Variants in SPRR2D observed in about 807,000 individuals in gnomAD.
The protein encoded by SPRR2D is small proline-rich protein 2D.
For missense variants in SPRR2D, 81 were observed against 87.2 expected (o/e 0.93, Z 0.28); for synonymous variants, 43 against 32.8 (o/e 1.31, Z -1.06).
In SPRR2D at chr1:153,040,143, T is replaced by C. The variant is rs180935179; in HGVS notation, c.204A>G (p.Pro68=). ...CCTGAAGCTGTTACTTGCTCTTGGGTGGACACTTTGGCTGGCAGGGTGGGG... is the reference window on the plus strand; with the variant it reads ...CCTGAAGCTGTTACTTGCTCTTGGGCGGACACTTTGGCTGGCAGGGTGGGG... The part of the protein sequence containing the change: ...TPSPPCQPKC[P]PKSK The change falls in exon 2 of 2, where the codon CCA becomes CCG. Residue 68 remains proline, a synonymous_variant. Coordinates refer to ENST00000360379, the MANE Select transcript of SPRR2D (RefSeq NM_006945.5). 159 of 1,612,828 alleles carry C rather than the reference T, an allele frequency of 9.9e-5. 1 individual carries two copies. Among genetic ancestry groups the C allele is most frequent in the Non-Finnish European group, 8.5e-6 (10 of 1,179,846 alleles).
rs749847310 is a variant in SPRR2D at position 153,040,332 on chromosome 1, C to A, written c.15G>T (p.Gln5His). The change falls in exon 2 of 2, where the codon CAG becomes CAT. Residue 5 changes from glutamine to histidine, a missense_variant. Gln to His is a conservative substitution (Grantham distance 24). Transcript: ENST00000360379. MSYQQQQCKQPCQPP... is the reference protein window; with the variant it reads MSYQHQQCKQPCQPP... Reference sequence around the variant, plus strand: ...GCTGGCAGGGCTGCTTGCACTGCTGCTGTTGATAAGACATCCTGCTGGAGT... The same window carrying A: ...GCTGGCAGGGCTGCTTGCACTGCTGATGTTGATAAGACATCCTGCTGGAGT... The A allele has an allele frequency of 9.9e-6, 16 of 1,611,680 alleles. No homozygotes were observed. Among genetic ancestry groups the A allele is most frequent in the African/African-American group, 1.3e-5 (1 of 74,824 alleles).
intron 1 of SPRR2D, chr1:153,040,703 T>G: frequency 7.5e-6 from 3 of 400,382 alleles, no homozygotes; most frequent in South Asian, 2.5e-5. Flanking sequence ...CTTATCATTA[T>G]CTGTAGTAAA....
At chr1:153,040,559 GTT>G in intron 1 of SPRR2D, 194 bp from the exon 2 acceptor site, 1 of 982,362 alleles carries the variant, frequency 1.0e-6, no homozygotes, top group Non-Finnish European at 1.5e-6. Context: ...GAAATCTTGT[GTT>G]TTCTCATACA....
rs180935179 is a variant in SPRR2D, at chr1:153,040,143, T to G, written c.204A>C (p.Pro68=). The G allele has an allele frequency of 1.2e-6, 2 of 1,612,710 alleles. No individual in the cohort carries two copies. Among genetic ancestry groups the G allele is most frequent in the African/African-American group, 2.7e-5 (2 of 74,866 alleles). The change falls in exon 2 of 2, where the codon CCA becomes CCC. Residue 68 remains proline, a synonymous_variant. Transcript: ENST00000360379. ...CCTGAAGCTGTTACTTGCTCTTGGGTGGACACTTTGGCTGGCAGGGTGGGG... is the reference window on the plus strand; with the variant it reads ...CCTGAAGCTGTTACTTGCTCTTGGGGGGACACTTTGGCTGGCAGGGTGGGG... ...TPSPPCQPKC[P]PKSK
At position 153,039,784 on chromosome 1, in the gene SPRR2D, G is replaced by T. The variant is rs1250395195; in HGVS notation, c.*344C>A. ...GTGAAAGATAAATGACAATTGCAAAGGTGGTAGAAGCTCATGACCAGGTGA... is the reference window on the plus strand; with the variant it reads ...GTGAAAGATAAATGACAATTGCAAATGTGGTAGAAGCTCATGACCAGGTGA... On this transcript the variant is annotated 3_prime_UTR_variant, in exon 2 of 2. Coordinates refer to ENST00000360379, the MANE Select transcript of SPRR2D (RefSeq NM_006945.5). The T allele has an allele frequency of 6.8e-6, 3 of 438,890 alleles. No individual in the cohort carries two copies. The highest frequency in any genetic ancestry group is 2.0e-5 in the African/African-American group (1 of 49,956). The allele number at this position is 438,890 out of a possible 1,614,324, so 27.2% of individuals were successfully genotyped here.
intron 1 of SPRR2D, 56 bp downstream of exon 1, chr1:153,041,022 T>C: frequency 6.4e-6 from 1 of 155,262 alleles, no homozygotes. Context: ...TGTTTTCAGA[T>C]TAAATTCAAT....
Position 153,039,765 on chromosome 1 carries a change from G to T in SPRR2D, c.*363C>A, listed in dbSNP as rs1388277979. On this transcript the variant is annotated 3_prime_UTR_variant, in exon 2 of 2. Coordinates refer to ENST00000360379, the MANE Select transcript of SPRR2D (RefSeq NM_006945.5). ...TAGATACTTTATTCAGGGAGTGAAA[G>T]ATAAATGACAATTGCAAAGGTGGTA... 2.0e-5 allele frequency: 8 copies of T among 408,434 alleles called. No individual in the cohort carries two copies. The highest frequency in any genetic ancestry group is 7.5e-5 in the South Asian group (1 of 13,288). The allele number at this position is 408,434 out of a possible 1,614,324, so 25.3% of individuals were successfully genotyped here.
chr1:153,040,137 C>CT lies in SPRR2D; in HGVS notation c.209dup (p.Ser71GlufsTer15). 1 of 1,612,674 alleles carries CT rather than the reference C, an allele frequency of 6.2e-7. No homozygotes were observed. The highest frequency in any genetic ancestry group is 8.5e-7 in the Non-Finnish European group (1 of 1,179,782). On this transcript the variant is annotated frameshift_variant, in exon 2 of 2. Coordinates refer to ENST00000360379, the MANE Select transcript of SPRR2D (RefSeq NM_006945.5). LOFTEE classifies it high-confidence loss of function. ...ATGAATCCTGAAGCTGTTACTTGCT[C>CT]TTGGGTGGACACTTTGGCTGGCAGG...
At position 153,039,940 on chromosome 1, in the gene SPRR2D, G is replaced by A. The variant is rs917906432; in HGVS notation, c.*188C>T. The A allele has an allele frequency of 1.6e-5, 19 of 1,188,088 alleles. No homozygotes were observed. The highest frequency in any genetic ancestry group is 2.2e-5 in the Non-Finnish European group (19 of 858,634). 73.6% of individuals were successfully genotyped at this position (1,188,088 alleles called of 1,614,324 possible). ...TTTTCTTAGCTCCACCTGGACAGTGGCAGTATGGCAGCCTCAGAAAGGGAA... is the reference window on the plus strand; with the variant it reads ...TTTTCTTAGCTCCACCTGGACAGTGACAGTATGGCAGCCTCAGAAAGGGAA... On this transcript the variant is annotated 3_prime_UTR_variant, in exon 2 of 2. Coordinates refer to ENST00000360379, the MANE Select transcript of SPRR2D (RefSeq NM_006945.5).
At chr1:153,040,532 T>G in intron 1 of SPRR2D, 167 bp from the exon 2 acceptor site, 1 of 1,222,908 alleles carries the variant, frequency 8.2e-7, no homozygotes, top group Non-Finnish European at 1.1e-6. Context: ...TTTAGCAAAT[T>G]GCTTCATTGG....
In SPRR2D at chr1:153,040,220, G is replaced by A. The variant is rs773364108; in HGVS notation, c.127C>T (p.Gln43Ter). 48 of 1,612,684 alleles carry A rather than the reference G, an allele frequency of 3.0e-5. No homozygotes were observed. In the South Asian group the frequency reaches 5.2e-4, roughly 17 times the overall value. The change falls in exon 2 of 2, where the codon CAG (glutamine) becomes TAG (stop). Residue 43 changes from glutamine to a stop codon, truncating the protein, a stop_gained. Transcript: ENST00000360379. LOFTEE classifies it low-confidence loss of function (END_TRUNC). ...PEPCPSPKCP[Q>*]PCPPQQCQQK... The stretch of plus-strand genomic sequence containing the variant: ...TGGCACTGCTGAGGTGGGCAGGGCT[G>A]TGGACACTTTGGTGATGGGCAGGGC...
At position 153,040,023 on chromosome 1, in the gene SPRR2D, C is replaced by T. The variant is rs1458322700; in HGVS notation, c.*105G>A. 6.5e-7 allele frequency: 1 copy of T among 1,534,330 alleles called. No homozygotes were observed. The highest frequency in any genetic ancestry group is 2.3e-5 in the East Asian group (1 of 44,210). On this transcript the variant is annotated 3_prime_UTR_variant, in exon 2 of 2. Coordinates refer to ENST00000360379, the MANE Select transcript of SPRR2D (RefSeq NM_006945.5). ...CACAGGTTAAGGAGAAAGAAGCTCC[C>T]TGTGCATCCATGGAAGGCTTTGGTG...
At chr1:153,040,489 C>A in intron 1 of SPRR2D, 124 bp from the exon 2 acceptor site, 4 of 1,455,642 alleles carry the variant, frequency 2.7e-6, no homozygotes, top group Non-Finnish European at 3.6e-6. Flanking sequence ...CTCTTAACTG[C>A]CTTTTCAAGA....
chr1:153,040,372 G>A lies in SPRR2D; in HGVS notation c.-19-7C>T. 1.2e-6 allele frequency: 2 copies of A among 1,610,426 alleles called. No homozygotes were observed. Among genetic ancestry groups the A allele is most frequent in the Non-Finnish European group, 1.7e-6 (2 of 1,179,858 alleles). ...CCTGCTGGAGTCTCAGGATCTGAAA[G>A]AAATGATACAACAGTGTTTGTGGGA... On this transcript the variant is annotated splice_region_variant and splice_polypyrimidine_tract_variant and intron_variant, in intron 1 of 1. Coordinates refer to ENST00000360379, the MANE Select transcript of SPRR2D (RefSeq NM_006945.5).
In SPRR2D at chr1:153,040,250, G is replaced by A. The variant is rs186214884; in HGVS notation, c.97C>T (p.Pro33Ser). 2.0e-5 allele frequency: 32 copies of A among 1,612,596 alleles called. 1 individual carries two copies. The African/African-American group carries it at 3.5e-4, about 17-fold the overall frequency. Reference sequence around the variant, plus strand: ...CACTTTGGTGATGGGCAGGGCTCAGGGCACTTCGGGGGTGGACATGGCTCT... The same window carrying A: ...CACTTTGGTGATGGGCAGGGCTCAGAGCACTTCGGGGGTGGACATGGCTCT... ...CPEPCPPPKC[P>S]EPCPSPKCPQ... Residue 33 changes from proline (P) to serine (S), a missense_variant, in exon 2 of 2, where the codon CCT becomes TCT. Transcript: ENST00000360379.
rs1425507631 is a variant in SPRR2D at position 153,040,052 on chromosome 1, A to G, written c.*76T>C. ...GCATCCATGGAAGGCTTTGGTGAGA[A>G]GATGCAAGTGGAGCTGTGGAACGAG... On this transcript the variant is annotated 3_prime_UTR_variant, in exon 2 of 2. Coordinates refer to ENST00000360379, the MANE Select transcript of SPRR2D (RefSeq NM_006945.5). 2 of 1,561,426 alleles carry G rather than the reference A, an allele frequency of 1.3e-6. No homozygotes were observed. The highest frequency in any genetic ancestry group is 1.8e-5 in the Admixed American group (1 of 55,972).
In SPRR2D at chr1:153,040,136, T is replaced by C; in HGVS notation, c.211A>G (p.Ser71Gly). The C allele has an allele frequency of 6.2e-7, 1 of 1,612,690 alleles. No homozygotes were observed. The highest frequency in any genetic ancestry group is 8.5e-7 in the Non-Finnish European group (1 of 1,179,792). ...PPCQPKCPPK[S>G]K ...GATGAATCCTGAAGCTGTTACTTGCTCTTGGGTGGACACTTTGGCTGGCAG... is the reference window on the plus strand; with the variant it reads ...GATGAATCCTGAAGCTGTTACTTGCCCTTGGGTGGACACTTTGGCTGGCAG... The change falls in exon 2 of 2, where the codon AGC becomes GGC. Residue 71 changes from serine to glycine, a missense_variant. Coordinates refer to ENST00000360379, the MANE Select transcript of SPRR2D (RefSeq NM_006945.5).
chr1:153,040,379 T>G lies in SPRR2D; in HGVS notation c.-19-14A>C, dbSNP rs375017242. The G allele has an allele frequency of 1.1e-5, 17 of 1,610,022 alleles. No individual in the cohort carries two copies. The African/African-American group carries it at 1.6e-4, about 15-fold the overall frequency. ...GAGTCTCAGGATCTGAAAGAAATGA[T>G]ACAACAGTGTTTGTGGGAAGGGACT... is the stretch of plus-strand genomic sequence containing the variant. On this transcript the variant is annotated splice_polypyrimidine_tract_variant and intron_variant, in intron 1 of 1. Transcript: ENST00000360379.
Position 153,040,288 on chromosome 1 carries a change from G to A in SPRR2D, c.59C>T (p.Thr20Met), listed in dbSNP as rs773099367. 3.5e-5 allele frequency: 57 copies of A among 1,612,182 alleles called. No homozygotes were observed. Among genetic ancestry groups the A allele is most frequent in the African/African-American group, 2.4e-4 (18 of 74,824 alleles). The change falls in exon 2 of 2, where the codon ACG becomes ATG. Residue 20 changes from threonine to methionine, a missense_variant. Coordinates refer to ENST00000360379, the MANE Select transcript of SPRR2D (RefSeq NM_006945.5). The stretch of plus-strand genomic sequence containing the variant: ...TGGACATGGCTCTGGGCACTTTGGC[G>A]TGGGGCACACAGGAGGTGGCTGGCA... ...QPCQPPPVCP[T>M]PKCPEPCPPP...
Sources: allele counts gnomAD v4.1 joint callset, GRCh38; gene constraint gnomAD v4.1.1; transcripts MANE v1.5; gene names NCBI Gene and HGNC (gene_info 2026-07-23, HGNC 2026-07-21).